Variants in CALN1 observed in about 807,000 individuals in gnomAD.
CALN1 encodes the protein calneuron 1, also known as calcium-binding protein 8.
Under a neutral mutation model 30.6 loss-of-function variants are expected in CALN1, and 17 were observed. The ratio of observed to expected loss-of-function variants is 0.56; its 90% CI spans 0.38 to 0.83. The LOEUF is 0.83. Ranked by LOEUF, CALN1 falls within the 40% of genes least tolerant of loss-of-function variation. CALN1 has a pLI of 0.00. For synonymous variants in CALN1, 156 were observed against 131.4 expected (o/e 1.19, Z -1.28); for missense variants, 291 against 354.9 (o/e 0.82, Z 1.45).
chr7:72,375,282 T>A (rs1804490167), intron 2 of CALN1, among the ~76,000 whole-genome samples: 1 of 152,070 alleles, frequency 6.6e-6, no homozygotes, highest in African/African-American at 2.4e-5. Context: ...AAGAATCTGC[T>A]TTCAATGGGG....
At chr7:72,079,950 T>C (rs1283223143) in intron 4 of CALN1, among the ~76,000 whole-genome samples, 1 of 151,976 alleles carries the variant, frequency 6.6e-6, no homozygotes, top group African/African-American at 2.4e-5. Flanking sequence ...TTTGTATTTT[T>C]AGTAGAGATG....
At chr7:71,839,124 TGAGAGA>T (rs148834323) in intron 5 of CALN1, among the ~76,000 whole-genome samples, 2 of 151,118 alleles carry the variant, frequency 1.3e-5, no homozygotes, top group Non-Finnish European at 3.0e-5. Flanking sequence ...TTATCATTCT[TGAGAGA>T]GAGAGAGAGA....
At chr7:71,867,039 G>A (rs1359907908) in intron 5 of CALN1, among the ~76,000 whole-genome samples, 1 of 151,982 alleles carries the variant, frequency 6.6e-6, no homozygotes, top group Non-Finnish European at 1.5e-5. Flanking sequence ...CAGCTACTCA[G>A]GCAGCGGAGG....
intron 5 of CALN1, among the ~76,000 whole-genome samples, chr7:71,862,467 T>C (rs1301512553): frequency 1.3e-5 from 2 of 152,172 alleles, no homozygotes; most frequent in Non-Finnish European, 2.9e-5. Flanking sequence ...ACACACCCTC[T>C]TGCCTGTTGC....
chr7:72,037,981 A>T (rs1801904825), intron 4 of CALN1, among the ~76,000 whole-genome samples: 1 of 152,184 alleles, frequency 6.6e-6, no homozygotes, highest in Non-Finnish European at 1.5e-5. Context: ...GAGGAACAGG[A>T]TACTGGACCT....
At chr7:72,133,544 G>A (rs1160323735) in intron 3 of CALN1, among the ~76,000 whole-genome samples, 1 of 152,150 alleles carries the variant, frequency 6.6e-6, no homozygotes, top group Non-Finnish European at 1.5e-5. Context: ...ACTGATTCAG[G>A]CAAAAATCAC....
intron 3 of CALN1, among the ~76,000 whole-genome samples, chr7:72,127,369 G>C (rs939666512): frequency 6.6e-6 from 1 of 152,128 alleles, no homozygotes; most frequent in Non-Finnish European, 1.5e-5. Flanking sequence ...GAGGGAATGG[G>C]TGGGAAGGCA....
At chr7:71,928,919 C>T (rs1265889643) in intron 5 of CALN1, among the ~76,000 whole-genome samples, 2 of 151,900 alleles carry the variant, frequency 1.3e-5, no homozygotes, top group Non-Finnish European at 2.9e-5. Context: ...ACCTACCCCC[C>T]ACCCCCAAAC....
intron 2 of CALN1, among the ~76,000 whole-genome samples, chr7:72,311,651 A>ATTTTTTTTTTTTTTT (rs56197069): frequency 6.6e-4 from 32 of 48,534 alleles, no homozygotes; most frequent in African/African-American, 8.7e-4. Flanking sequence ...CCTGGCTGAG[A>ATTTTTTTTTTTTTTT]TTTTTTTTTT....
At chr7:72,334,643 C>T (rs1801891570) in intron 2 of CALN1, among the ~76,000 whole-genome samples, 1 of 152,234 alleles carries the variant, frequency 6.6e-6, no homozygotes, top group Admixed American at 6.5e-5. Flanking sequence ...ATCCTGCACC[C>T]TAGCCGAAGG....
intron 5 of CALN1, among the ~76,000 whole-genome samples, chr7:71,983,783 C>G (rs1039454693): frequency 6.6e-6 from 1 of 152,130 alleles, no homozygotes; most frequent in Non-Finnish European, 1.5e-5. Context: ...CCACCCACCT[C>G]GGCCTCCCAA....
In CALN1 at chr7:72,278,744, C is replaced by A; in HGVS notation, c.186G>T (p.Ser62=). Reference sequence around the variant, plus strand: ...GTTCGCTGTCACTGCCAGCAGAGAGCGATCGGTTGAGGTAATTCCCCTTGT... The same window carrying A: ...GTTCGCTGTCACTGCCAGCAGAGAGAGATCGGTTGAGGTAATTCCCCTTGT... ...LLYKGNYLNR[S]LSAGSDSEQL... is the part of the protein sequence containing the mutation. Residue 62 remains serine, a synonymous_variant, in exon 3 of 7, where the codon TCG becomes TCT. Transcript: ENST00000395275. 6.2e-7 allele frequency: 1 copy of A among 1,614,038 alleles called. No individual in the cohort carries two copies. Among genetic ancestry groups the A allele is most frequent in the Non-Finnish European group, 8.5e-7 (1 of 1,179,980 alleles).
At chr7:72,129,018 T>A (rs1252191606) in intron 3 of CALN1, among the ~76,000 whole-genome samples, 1 of 152,046 alleles carries the variant, frequency 6.6e-6, no homozygotes, top group Non-Finnish European at 1.5e-5. Context: ...ATATATAGCA[T>A]CAATAAGAAC....
At chr7:72,076,855 A>T (rs1192329219) in intron 4 of CALN1, among the ~76,000 whole-genome samples, 2 of 152,150 alleles carry the variant, frequency 1.3e-5, no homozygotes, top group Non-Finnish European at 2.9e-5. Flanking sequence ...AACAGAAACA[A>T]GTTGAAAACA....
intron 3 of CALN1, among the ~76,000 whole-genome samples, chr7:72,139,448 G>A (rs549516096): frequency 7.4e-5 from 10 of 134,952 alleles, no homozygotes; most frequent in South Asian, 4.8e-4. Context: ...CCTCAGCCAC[G>A]CCCACCCTCT....
rs754201004 is a variant in CALN1 at position 72,016,998 on chromosome 7, C to CAAAAAAAAAAAAAAAAAAAAAAA, written c.501+6658_501+6659insTTTTTTTTTTTTTTTTTTTTTTT. On this transcript the variant is annotated intron_variant, in intron 5 of 6. Coordinates refer to ENST00000395275, the MANE Select transcript of CALN1 (RefSeq NM_031468.4). The stretch of plus-strand genomic sequence containing the variant: ...CAAAACCCCGTGTTTACTAAAAATA[C>CAAAAAAAAAAAAAAAAAAAAAAA]AAAAAAAAAAAAAAAAAAAGCTGGG... Among the ~76,000 whole-genome samples the CAAAAAAAAAAAAAAAAAAAAAAA allele has an allele frequency of 2.0e-3, 64 of 31,936 alleles. 11 individuals carry two copies. The highest frequency in any genetic ancestry group is 9.1e-3 in the East Asian group (9 of 984). The allele number at this position is 31,936 out of a possible 152,430, so 21.0% of individuals were successfully genotyped here. A position where few individuals can be genotyped will look rare whatever the true frequency, so the allele number is the denominator to read the frequency against.
chr7:72,150,631 A>G (rs904656391), intron 3 of CALN1, among the ~76,000 whole-genome samples: 5 of 152,186 alleles, frequency 3.3e-5, no homozygotes, highest in African/African-American at 1.2e-4. Context: ...GGTGAGCTTG[A>G]TATTGGCAGA....
At chr7:72,234,793 A>T (rs1794366022) in intron 3 of CALN1, among the ~76,000 whole-genome samples, 1 of 152,134 alleles carries the variant, frequency 6.6e-6, no homozygotes, top group Admixed American at 6.5e-5. Context: ...AACAGAGGCC[A>T]TCTCTAATTT....
intron 3 of CALN1, among the ~76,000 whole-genome samples, chr7:72,215,385 G>A (rs2129548503): frequency 6.6e-6 from 1 of 152,224 alleles, no homozygotes; most frequent in East Asian, 1.9e-4. Flanking sequence ...CCTGAGGTCA[G>A]GAGTTCGAGA....
Sources: gnomAD v4.1 joint callset for allele counts (sites outside exome capture counted in the v4.1 genomes callset) on GRCh38, gnomAD v4.1.1 for gene constraint, MANE v1.5 for transcripts, NCBI Gene and HGNC (gene_info 2026-07-23, HGNC 2026-07-21) for gene names.